Variants in ADAM28 observed in about 807,000 individuals in gnomAD.
ADAM28 encodes ADAM metallopeptidase domain 28.
ADAM28 carries 105 observed loss-of-function variants against 101.2 expected under a neutral mutation model. The observed-to-expected ratio is 1.04, with a 90% CI of 0.89 to 1.22. ADAM28 has a LOEUF of 1.22. ADAM28 is among the 50% of genes most tolerant of loss of function. The pLI is 0.00. For missense variants in ADAM28, 1,028 were observed against 945.4 expected (o/e 1.09, Z -1.15); for synonymous variants, 322 against 310.6 (o/e 1.04, Z -0.39).
rs778744910 is a variant in ADAM28, at chr8:24,313,626, C to T, written c.576+46C>T. ...TTGAAATGCTCTCATGTATTCTGCC[C>T]TGGTTTCCAGAATTAGCAGTGCAAT... is the stretch of plus-strand genomic sequence containing the variant. On this transcript the variant is annotated intron_variant, in intron 6 of 22. Transcript: ENST00000265769. 5 of 1,573,872 alleles carry T rather than the reference C, an allele frequency of 3.2e-6. No individual in the cohort carries two copies. In the Admixed American group the frequency reaches 8.9e-5, roughly 28 times the overall value.
intron 2 of ADAM28, among the ~76,000 whole-genome samples, chr8:24,307,899 G>A (rs1020961435): frequency 2.6e-5 from 4 of 152,116 alleles, no homozygotes; most frequent in South Asian, 4.2e-4. Context: ...TAGAGCTCAC[G>A]GATTTACTGT....
chr8:24,325,890 AAAAAAAAAAACCAAAAAAC>A (rs1812535396), intron 9 of ADAM28, among the ~76,000 whole-genome samples: 2 of 133,944 alleles, frequency 1.5e-5, no homozygotes, highest in Non-Finnish European at 3.3e-5. Context: ...AAAAAAAAAA[AAAAAAAAAAACCAAAAAAC>A]AAAAACTAAA....
At position 24,339,505 on chromosome 8, in the gene ADAM28, A is replaced by AAG; in HGVS notation, c.1608_1609dup (p.Gly537GlufsTer44). The stretch of plus-strand genomic sequence containing the variant: ...GATAAGTCATGTTACAACAGGAATG[A>AAG]AGGTGGGTCAAAGTACGGGTACTGT... On this transcript the variant is annotated frameshift_variant, in exon 15 of 23. Coordinates refer to ENST00000265769, the MANE Select transcript of ADAM28 (RefSeq NM_014265.6). LOFTEE classifies it high-confidence loss of function. The AAG allele has an allele frequency of 6.2e-7, 1 of 1,613,470 alleles. No homozygotes were observed. Among genetic ancestry groups the AAG allele is most frequent in the Non-Finnish European group, 8.5e-7 (1 of 1,179,664 alleles).
At chr8:24,332,803 C>A in intron 13 of ADAM28, 54 bp downstream of exon 13, 1 of 962,618 alleles carries the variant, frequency 1.0e-6, no homozygotes, top group South Asian at 2.7e-5. Context: ...TATACATTAA[C>A]ATCTCAGTGA....
Position 24,336,355 on chromosome 8 carries a change from G to A in ADAM28, c.1567+714G>A, listed in dbSNP as rs553190570. ...TCCCAGCACTTTGGGAGGCTGAGGC[G>A]GGCGGATCACGAGGTCAGGAGATCA... is the stretch of plus-strand genomic sequence containing the variant. On this transcript the variant is annotated intron_variant, in intron 14 of 22. Transcript: ENST00000265769. 7.3e-4 allele frequency among the ~76,000 whole-genome samples: 110 copies of A among 151,682 alleles called. 1 individual carries two copies. The highest frequency in any genetic ancestry group is 2.2e-3 in the African/African-American group (92 of 41,416).
chr8:24,338,422 G>A (rs1428057636), intron 14 of ADAM28, among the ~76,000 whole-genome samples: 1 of 152,144 alleles, frequency 6.6e-6, no homozygotes, highest in African/African-American at 2.4e-5. Flanking sequence ...GGAATATCAT[G>A]CTTCTCCCTG....
chr8:24,297,290 A>T (rs1158511509), intron 1 of ADAM28, among the ~76,000 whole-genome samples: 1 of 152,142 alleles, frequency 6.6e-6, no homozygotes, highest in Non-Finnish European at 1.5e-5. Flanking sequence ...TTTAAGAGCC[A>T]GTTTGCAATT....
chr8:24,333,710 G>T (rs559217046), intron 13 of ADAM28, among the ~76,000 whole-genome samples: 1 of 152,026 alleles, frequency 6.6e-6, no homozygotes, highest in Non-Finnish European at 1.5e-5. Flanking sequence ...TGAGTAGTGT[G>T]GGGGTATCCC....
chr8:24,352,468 C>T (rs1207713186), intron 21 of ADAM28, among the ~76,000 whole-genome samples: 1 of 152,178 alleles, frequency 6.6e-6, no homozygotes. Context: ...ATTGTATCCT[C>T]ACATAGCAGA....
intron 4 of ADAM28, among the ~76,000 whole-genome samples, chr8:24,311,032 A>T (rs2129266292): frequency 6.6e-6 from 1 of 152,314 alleles, no homozygotes; most frequent in East Asian, 1.9e-4. Context: ...AAAATGGCCA[A>T]AAGGAAAAAT....
intron 16 of ADAM28, chr8:24,342,899 G>C: frequency 1.2e-6 from 1 of 844,196 alleles, no homozygotes; most frequent in Non-Finnish European, 1.7e-6. Flanking sequence ...TAAATTCTTA[G>C]ATAGACTTTA....
chr8:24,313,845 C>T (rs555302914), intron 6 of ADAM28, among the ~76,000 whole-genome samples: 2 of 151,442 alleles, frequency 1.3e-5, no homozygotes, highest in Non-Finnish European at 2.9e-5. Flanking sequence ...ACATCTTCCA[C>T]CTCCCAGGTT....
At chr8:24,351,838 A>T (rs1816192901) in intron 20 of ADAM28, 149 bp from the exon 21 acceptor site, 1 of 659,962 alleles carries the variant, frequency 1.5e-6, no homozygotes, top group South Asian at 2.0e-5. Context: ...GGAATACGCC[A>T]GCAGGACCAC....
intron 21 of ADAM28, 76 bp downstream of exon 21, chr8:24,352,128 C>A: frequency 1.6e-6 from 2 of 1,238,238 alleles, no homozygotes; most frequent in Non-Finnish European, 1.2e-6. Flanking sequence ...TAGCCCACAA[C>A]ACTTCATTAT....
rs1275444958 is a variant in ADAM28 at position 24,329,793 on chromosome 8, C to T, written c.973-192C>T. On this transcript the variant is annotated intron_variant, in intron 10 of 22. Coordinates refer to ENST00000265769, the MANE Select transcript of ADAM28 (RefSeq NM_014265.6). ...ACCTACTCAAAGAGGAAAGGGCAGACCATATATGCTGTGATGGGCATTCAG... is the reference window on the plus strand; with the variant it reads ...ACCTACTCAAAGAGGAAAGGGCAGATCATATATGCTGTGATGGGCATTCAG... Among the ~76,000 whole-genome samples, 12 of 151,718 alleles carry T rather than the reference C, an allele frequency of 7.9e-5. 1 individual carries two copies. The highest frequency in any genetic ancestry group is 7.9e-4 in the Admixed American group (12 of 15,204).
Position 24,358,747 on chromosome 8 carries a change from T to TA in ADAM28, c.*4351dup, listed in dbSNP as rs796871404. On this transcript the variant is annotated 3_prime_UTR_variant, in exon 23 of 23. Transcript: ENST00000265769. ...GTATGCTAAGCGAATACTATTGTTATAAAAAAAATCCTAAGCATGAAAATT... is the reference window on the plus strand; with the variant it reads ...GTATGCTAAGCGAATACTATTGTTATAAAAAAAAATCCTAAGCATGAAAATT... 3.3e-5 allele frequency: 5 copies of TA among 152,170 alleles called. No homozygotes were observed. The highest frequency in any genetic ancestry group is 9.7e-5 in the African/African-American group (4 of 41,438). 9.4% of individuals were successfully genotyped at this position (152,170 alleles called of 1,614,324 possible).
At chr8:24,321,188 G>A in intron 7 of ADAM28, 30 bp from the exon 8 acceptor site, 1 of 1,375,774 alleles carries the variant, frequency 7.3e-7, no homozygotes, top group Non-Finnish European at 1.0e-6. Context: ...TTTTATCAAT[G>A]CCCATATTCT....
chr8:24,358,164 G>GTAAA lies in ADAM28; in HGVS notation c.*3763_*3766dup, dbSNP rs1186369676. On this transcript the variant is annotated 3_prime_UTR_variant, in exon 23 of 23. Transcript: ENST00000265769. The stretch of plus-strand genomic sequence containing the variant: ...ATAAACTTTATTACTGCTTCCCACA[G>GTAAA]TAAATATTTTTCAGAAGTACATGCT... 1.3e-5 allele frequency: 2 copies of GTAAA among 152,096 alleles called. No individual in the cohort carries two copies. Among genetic ancestry groups the GTAAA allele is most frequent in the Admixed American group, 1.3e-4 (2 of 15,260 alleles). The allele number at this position is 152,096 out of a possible 1,614,324, so 9.4% of individuals were successfully genotyped here. A position where few individuals can be genotyped will look rare whatever the true frequency, so the allele number is the denominator to read the frequency against.
In ADAM28 at chr8:24,331,864, C is replaced by T. The variant is rs547795488; in HGVS notation, c.1281+537C>T. Among the ~76,000 whole-genome samples, 10 of 152,258 alleles carry T rather than the reference C, an allele frequency of 6.6e-5. No homozygotes were observed. In the South Asian group the frequency reaches 1.7e-3, roughly 25 times the overall value. The stretch of plus-strand genomic sequence containing the variant: ...AGAAGTTCTGTCCTGACCCTCTTCA[C>T]AGGGCAGCTGGGATTTTGAATGGGA... On this transcript the variant is annotated intron_variant, in intron 12 of 22. Transcript: ENST00000265769.
Sources: allele counts gnomAD v4.1 joint callset (sites outside exome capture counted in the v4.1 genomes callset), GRCh38; gene constraint gnomAD v4.1.1; transcripts MANE v1.5; gene names NCBI Gene and HGNC (gene_info 2026-07-23, HGNC 2026-07-21).